Variants in CD247 observed in about 807,000 individuals in gnomAD.
The protein encoded by CD247 is T-cell surface glycoprotein CD3 zeta chain.
A neutral mutation model predicts 30.0 loss-of-function variants in CD247; 13 were observed. The ratio of observed to expected loss-of-function variants is 0.43; its 90% CI spans 0.28 to 0.69. The LOEUF (loss-of-function observed/expected upper bound fraction) is 0.69, where lower values mean the gene tolerates loss of function less well. Among genes scored for constraint, CD247 ranks in the 30% least tolerant of loss-of-function variants. The probability of loss-of-function intolerance (pLI) is 0.16; values close to 1 mark genes in which losing one functional copy is unlikely to be tolerated. For synonymous variants in CD247, 72 were observed against 80.0 expected, an observed-to-expected ratio of 0.90 and a Z score of 0.53; for missense variants, 193 against 212.6, an observed-to-expected ratio of 0.91 and a Z score of 0.57.
At chr1:167,515,792 A>T (rs1655579031) in intron 1 of CD247, among the ~76,000 whole-genome samples, 1 of 152,258 alleles carries the variant, frequency 6.6e-6, no homozygotes, top group African/African-American at 2.4e-5. Context: ...TTGAAAGCAA[A>T]TGAAGAATCC....
At position 167,506,519 on chromosome 1, in the gene CD247, TTC is replaced by T. The variant is rs879669142; in HGVS notation, c.58+11887_58+11888del. 2.6e-5 allele frequency among the ~76,000 whole-genome samples: 4 copies of T among 151,868 alleles called. No individual in the cohort carries two copies. In the East Asian group the frequency reaches 5.8e-4, roughly 22 times the overall value. On this transcript the variant is annotated intron_variant, in intron 1 of 7. Transcript: ENST00000362089. ...GGTGTCACCGTGCCCAGCGAATATT[TTC>T]TCTCTCTCTCTTTTTTATTTTTTTT...
chr1:167,452,051 C>A (rs573292110), intron 1 of CD247, among the ~76,000 whole-genome samples: 1 of 152,156 alleles, frequency 6.6e-6, no homozygotes, highest in Non-Finnish European at 1.5e-5. Flanking sequence ...GGCTAAACCC[C>A]GTCTCTACCG....
intron 1 of CD247, among the ~76,000 whole-genome samples, chr1:167,448,938 A>G (rs1442703215): frequency 6.6e-6 from 1 of 152,174 alleles, no homozygotes; most frequent in Non-Finnish European, 1.5e-5. Flanking sequence ...GATTTCAAAT[A>G]TTCATGTTTC....
intron 1 of CD247, among the ~76,000 whole-genome samples, chr1:167,446,951 C>T (rs190280799): frequency 8.3e-4 from 126 of 152,148 alleles, no homozygotes; most frequent in Non-Finnish European, 1.5e-3. Context: ...GCGGAGATTA[C>T]GCCACTACAC....
chr1:167,494,187 G>A lies in CD247; in HGVS notation c.58+24221C>T, dbSNP rs187610359. On this transcript the variant is annotated intron_variant, in intron 1 of 7. Transcript: ENST00000362089. The surrounding 1 kb of genome is among the most constrained non-coding windows in gnomAD (Gnocchi z 7.3). ...AGACGATGGAGGGTTGGGGGATGGA[G>A]GTGGCTAGTGAATAAAACACTTCTG... Among the ~76,000 whole-genome samples, 1 of 152,190 alleles carries A rather than the reference G, an allele frequency of 6.6e-6. No homozygotes were observed. The highest frequency in any genetic ancestry group is 1.5e-5 in the Non-Finnish European group (1 of 68,030).
chr1:167,514,357 T>C (rs1172416006), intron 1 of CD247, among the ~76,000 whole-genome samples: 1 of 152,168 alleles, frequency 6.6e-6, no homozygotes, highest in Non-Finnish European at 1.5e-5. Flanking sequence ...CAGGCTGGTC[T>C]CAAATTCCTG....
chr1:167,501,047 A>G (rs1654878760), intron 1 of CD247, among the ~76,000 whole-genome samples: 1 of 138,896 alleles, frequency 7.2e-6, no homozygotes, highest in South Asian at 2.3e-4. Context: ...TTCTGATCCT[A>G]TTGTTCTTTT....
chr1:167,503,268 C>A (rs981484768), intron 1 of CD247, among the ~76,000 whole-genome samples: 8 of 152,150 alleles, frequency 5.3e-5, no homozygotes, highest in African/African-American at 1.9e-4. Context: ...AAAGTTTCCT[C>A]CTCCTCCTTT....
intron 5 of CD247, chr1:167,434,882 T>C (rs1651454647): frequency 8.6e-6 from 4 of 465,540 alleles, no homozygotes; most frequent in South Asian, 6.2e-5. Flanking sequence ...GACCACAGAG[T>C]GAGGAGCAAC....
intron 1 of CD247, among the ~76,000 whole-genome samples, chr1:167,467,030 G>A (rs1653283558): frequency 6.6e-6 from 1 of 151,906 alleles, no homozygotes. Flanking sequence ...TAGTAGAGAC[G>A]GGATTTCACG....
intron 1 of CD247, among the ~76,000 whole-genome samples, chr1:167,500,008 G>A (rs534830023): frequency 3.3e-5 from 5 of 152,316 alleles, no homozygotes; most frequent in South Asian, 2.1e-4. Flanking sequence ...CCTGGGGCAC[G>A]TGGGTTCTCT....
intron 1 of CD247, among the ~76,000 whole-genome samples, chr1:167,507,217 C>A (rs1424123854): frequency 6.6e-6 from 1 of 151,426 alleles, no homozygotes; most frequent in South Asian, 2.1e-4. Context: ...CCACGCCTGG[C>A]CTGAATTTTT....
intron 1 of CD247, among the ~76,000 whole-genome samples, chr1:167,486,293 G>T (rs935341634): frequency 4.3e-4 from 66 of 152,214 alleles, no homozygotes; most frequent in Non-Finnish European, 2.6e-4. Context: ...GCCAGAGAGA[G>T]GCAACTCTGG....
chr1:167,480,697 A>C (rs939619924), intron 1 of CD247, among the ~76,000 whole-genome samples: 2 of 152,236 alleles, frequency 1.3e-5, no homozygotes, highest in African/African-American at 2.4e-5. Context: ...ACCCTGCATT[A>C]AATCAAATGT....
At chr1:167,517,960 A>T (rs150205447) in intron 1 of CD247, among the ~76,000 whole-genome samples, 2 of 152,316 alleles carry the variant, frequency 1.3e-5, no homozygotes, top group African/African-American at 4.8e-5. Context: ...TGGCAAAGGA[A>T]GAAAGAAAGG....
chr1:167,476,347 C>A (rs917340010), intron 1 of CD247, among the ~76,000 whole-genome samples: 5 of 152,162 alleles, frequency 3.3e-5, no homozygotes, highest in Non-Finnish European at 2.9e-5. Flanking sequence ...ATAGAATGAG[C>A]CTTTCAGAGA....
intron 3 of CD247, 57 bp from the exon 4 acceptor site, chr1:167,438,707 C>A: frequency 7.3e-7 from 1 of 1,363,364 alleles, no homozygotes; most frequent in Non-Finnish European, 1.1e-6. Context: ...AAGGATGGAG[C>A]CAGCTGGACT....
intron 1 of CD247, among the ~76,000 whole-genome samples, chr1:167,506,433 C>T (rs529741822): frequency 3.7e-4 from 56 of 151,740 alleles, no homozygotes; most frequent in Middle Eastern, 3.4e-3. Context: ...CTGCAACCTC[C>T]GCCTCCCAGG....
chr1:167,458,210 T>C (rs1269630475), intron 1 of CD247, among the ~76,000 whole-genome samples: 1 of 152,266 alleles, frequency 6.6e-6, no homozygotes, highest in Non-Finnish European at 1.5e-5. Flanking sequence ...AAGCTACTTA[T>C]GATTTCCTAA....
Sources: gnomAD v4.1 joint callset for allele counts (sites outside exome capture counted in the v4.1 genomes callset) on GRCh38, gnomAD v4.1.1 for gene constraint, Gnocchi (gnomAD v3.1) non-coding constraint, MANE v1.5 for transcripts, NCBI Gene and HGNC (gene_info 2026-07-23, HGNC 2026-07-21) for gene names.